DCAF4: variants seen among roughly 807,000 people sequenced by gnomAD.
DCAF4 encodes the protein DDB1- and CUL4-associated factor 4.
Under a neutral mutation model 60.9 loss-of-function variants are expected in DCAF4, and 37 were observed. The observed-to-expected ratio is 0.61, with a 90% CI of 0.47 to 0.80. The LOEUF (loss-of-function observed/expected upper bound fraction) is 0.80. Among genes scored for constraint, DCAF4 ranks in the 30% least tolerant of loss-of-function variants. The pLI is 0.00. For missense variants in DCAF4, 577 were observed against 650.0 expected, an observed-to-expected ratio of 0.89 and a Z score of 1.22; for synonymous variants, 243 against 254.8, an observed-to-expected ratio of 0.95 and a Z score of 0.44.
intron 1 of DCAF4, among the ~76,000 whole-genome samples, chr14:72,934,257 G>A (rs576124516): frequency 8.6e-5 from 13 of 151,836 alleles, no homozygotes; most frequent in Admixed American, 2.6e-4. Context: ...GGGTTCAAGC[G>A]ATTCTCCTGC....
At position 72,939,798 on chromosome 14, in the gene DCAF4, A is replaced by G; in HGVS notation, c.93-4A>G. 1 of 1,609,448 alleles carries G rather than the reference A, an allele frequency of 6.2e-7. No individual in the cohort carries two copies. Among genetic ancestry groups the G allele is most frequent in the Non-Finnish European group, 8.5e-7 (1 of 1,177,854 alleles). The stretch of plus-strand genomic sequence containing the variant: ...TGCAAGTTAACACAGCTGTGTGTCA[A>G]CAGGTCTGACTCCCGGGCAGCACAG... On this transcript the variant is annotated splice_polypyrimidine_tract_variant and splice_region_variant and intron_variant, in intron 2 of 13. Transcript: ENST00000358377.
intron 1 of DCAF4, among the ~76,000 whole-genome samples, chr14:72,931,263 C>T (rs368191108): frequency 2.7e-4 from 34 of 126,770 alleles, no homozygotes; most frequent in South Asian, 4.9e-4. Flanking sequence ...TACTTTTTCT[C>T]TTTTTTTTTT....
At chr14:72,943,166 C>A in intron 6 of DCAF4, 70 bp downstream of exon 6, 2 of 1,420,778 alleles carry the variant, frequency 1.4e-6, no homozygotes, top group South Asian at 1.2e-5. Context: ...CTTAGCGTTG[C>A]CAGTCATCAA....
chr14:72,954,437 C>T lies in DCAF4; in HGVS notation c.959C>T (p.Ser320Phe). Residue 320 changes from serine to phenylalanine, a missense_variant, in exon 11 of 14, where the codon TCC becomes TTC. By Grantham distance (155) the Ser-to-Phe change is radical. Transcript: ENST00000358377. ...AACGTGGTGACGGGACACCGGCAGT[C>T]CTTTGGGACCAACAGTGATGTCTTG... ...LTNVVTGHRQ[S>F]FGTNSDVLAQ... is the part of the protein sequence containing the mutation. 1 of 1,614,210 alleles carries T rather than the reference C, an allele frequency of 6.2e-7. No homozygotes were observed. The highest frequency in any genetic ancestry group is 8.5e-7 in the Non-Finnish European group (1 of 1,180,038).
chr14:72,953,762 T>A (rs887090748), intron 9 of DCAF4, among the ~76,000 whole-genome samples: 2 of 47,452 alleles, frequency 4.2e-5, no homozygotes, highest in African/African-American at 7.1e-5. Flanking sequence ...TATATATATA[T>A]AGTTTATTTA....
rs1160288998 is a variant in DCAF4, at chr14:72,942,989, T to G, written c.432-5T>G. 6.2e-7 allele frequency: 1 copy of G among 1,614,008 alleles called. No individual in the cohort carries two copies. The highest frequency in any genetic ancestry group is 1.3e-5 in the African/African-American group (1 of 75,048). ...CATCCATGCCCCCACCCTCTGTTTC[T>G]GCAGTTTAGCCCACGAGCTGCGTCT... is the stretch of plus-strand genomic sequence containing the variant. On this transcript the variant is annotated splice_region_variant and splice_polypyrimidine_tract_variant and intron_variant, in intron 5 of 13. Transcript: ENST00000358377.
intron 1 of DCAF4, chr14:72,929,600 AG>A: frequency 9.9e-7 from 1 of 1,008,000 alleles, no homozygotes; most frequent in Non-Finnish European, 1.5e-6. Context: ...GGAAGAGGGC[AG>A]GGGAGGGGGC....
intron 8 of DCAF4, among the ~76,000 whole-genome samples, chr14:72,950,807 T>C: frequency 1.5e-5 from 1 of 68,150 alleles, no homozygotes; most frequent in East Asian, 6.2e-4. Flanking sequence ...GCCATTTCTG[T>C]ATGTTTTTTT....
chr14:72,927,633 G>C (rs1035640839), intron 1 of DCAF4, among the ~76,000 whole-genome samples: 3 of 152,006 alleles, frequency 2.0e-5, no homozygotes, highest in Admixed American at 6.5e-5. Flanking sequence ...TTACAGGCGT[G>C]AGCCACCGCG....
intron 1 of DCAF4, among the ~76,000 whole-genome samples, chr14:72,932,861 A>C (rs933877530): frequency 6.6e-6 from 1 of 151,218 alleles, no homozygotes; most frequent in East Asian, 1.9e-4. Context: ...GAGCCATCAC[A>C]CCCAGCTGAA....
intron 9 of DCAF4, among the ~76,000 whole-genome samples, chr14:72,952,799 A>G (rs1191677633): frequency 1.3e-5 from 2 of 149,102 alleles, no homozygotes; most frequent in African/African-American, 2.5e-5. Flanking sequence ...GGTTCAAGCA[A>G]TGCTCCTGCC....
chr14:72,945,040 G>A (rs1480931899), intron 6 of DCAF4, among the ~76,000 whole-genome samples: 1 of 152,062 alleles, frequency 6.6e-6, no homozygotes, highest in Non-Finnish European at 1.5e-5. Flanking sequence ...AGCAAGCTGA[G>A]GTGGTGCCAC....
chr14:72,937,972 A>C lies in DCAF4; in HGVS notation c.-7A>C, dbSNP rs3815500. 335,570 of 1,594,010 alleles carry C rather than the reference A, an allele frequency of 0.21. 39,960 individuals carry two copies. Among genetic ancestry groups the C allele is most frequent in the East Asian group, 0.46 (20,552 of 44,310 alleles). ...GATTTTTTTGTTTTTCTCTTTTAGG[A>C]ACAGAAATGAATAAAAGTCGCTGGC... On this transcript the variant is annotated splice_region_variant and 5_prime_UTR_variant, in exon 2 of 14. Coordinates refer to ENST00000358377, the MANE Select transcript of DCAF4 (RefSeq NM_015604.4).
intron 5 of DCAF4, chr14:72,942,714 G>T: frequency 2.5e-6 from 1 of 408,084 alleles, no homozygotes; most frequent in South Asian, 2.8e-5. Flanking sequence ...TCAGGGGAAG[G>T]AGCTGTACTG....
At chr14:72,937,944 A>G in intron 1 of DCAF4, 27 bp from the exon 2 acceptor site, 1 of 1,569,268 alleles carries the variant, frequency 6.4e-7, no homozygotes, top group East Asian at 2.3e-5. Flanking sequence ...ACAGAGATGT[A>G]TGGATTTTTT....
chr14:72,935,698 C>T (rs760651691), intron 1 of DCAF4, among the ~76,000 whole-genome samples: 3 of 152,192 alleles, frequency 2.0e-5, no homozygotes, highest in Non-Finnish European at 2.9e-5. Flanking sequence ...ATTTTATCAT[C>T]GGCTGCGTCC....
chr14:72,953,730 AAAATAT>A lies in DCAF4; in HGVS notation c.809-432_809-427del, dbSNP rs1236919422. ...GTCTTAAAAAAAAAAAAAAAAAAAAAAAATATATATATATATATATATATATATATA... is the reference window on the plus strand; with the variant it reads ...GTCTTAAAAAAAAAAAAAAAAAAAAAATATATATATATATATATATATATA... On this transcript the variant is annotated intron_variant, in intron 9 of 13. Coordinates refer to ENST00000358377, the MANE Select transcript of DCAF4 (RefSeq NM_015604.4). 1.9e-3 allele frequency among the ~76,000 whole-genome samples: 53 copies of A among 27,778 alleles called. 7 individuals carry two copies. In the South Asian group the frequency reaches 0.064, roughly 34 times the overall value. The allele number at this position is 27,778 out of a possible 152,430, so 18.2% of individuals were successfully genotyped here.
chr14:72,930,425 C>T (rs923541371), intron 1 of DCAF4, among the ~76,000 whole-genome samples: 2 of 152,104 alleles, frequency 1.3e-5, no homozygotes, highest in Non-Finnish European at 2.9e-5. Flanking sequence ...CCCGCCACCA[C>T]ACCGAGCTGA....
At chr14:72,952,140 G>A (rs1004647458) in intron 9 of DCAF4, among the ~76,000 whole-genome samples, 7 of 152,136 alleles carry the variant, frequency 4.6e-5, no homozygotes, top group Non-Finnish European at 7.4e-5. Flanking sequence ...AGATTCGGAC[G>A]CCCGTGCACA....
Sources: gnomAD v4.1 joint callset for allele counts (sites outside exome capture counted in the v4.1 genomes callset) on GRCh38, gnomAD v4.1.1 for gene constraint, MANE v1.5 for transcripts, NCBI Gene and HGNC (gene_info 2026-07-23, HGNC 2026-07-21) for gene names.